The following NPAS3 variants were observed in gnomAD, a reference collection of about 807,000 sequenced individuals.
NPAS3 encodes the protein neuronal PAS domain protein 3, also known as neuronal PAS domain-containing protein 3.
Under a neutral mutation model 73.1 loss-of-function variants are expected in NPAS3, and 14 were observed. The observed-to-expected ratio is 0.19, with a 90% CI of 0.13 to 0.30. The LOEUF is 0.30. Ranked by LOEUF, NPAS3 falls within the 10% of genes least tolerant of loss-of-function variation. The pLI, the probability that NPAS3 is intolerant of heterozygous loss-of-function variation, is 1.00. For synonymous variants in NPAS3, 620 were observed against 541.5 expected (o/e 1.14, Z -2.01); for missense variants, 1,096 against 1,250.0 (o/e 0.88, Z 1.86).
chr14:33,524,780 C>G (rs1220305446), intron 4 of NPAS3, among the ~76,000 whole-genome samples: 1 of 152,134 alleles, frequency 6.6e-6, no homozygotes, highest in Non-Finnish European at 1.5e-5. Context: ...GTCCCAGCTT[C>G]CGGTGGTTTG....
At chr14:33,174,320 A>G (rs1349830171) in intron 2 of NPAS3, among the ~76,000 whole-genome samples, 1 of 152,224 alleles carries the variant, frequency 6.6e-6, no homozygotes, top group Non-Finnish European at 1.5e-5. Flanking sequence ...GAAAAGCTGC[A>G]GTATCTCACA....
chr14:33,468,000 T>C (rs1803221771), intron 4 of NPAS3, among the ~76,000 whole-genome samples: 1 of 152,172 alleles, frequency 6.6e-6, no homozygotes, highest in African/African-American at 2.4e-5. Context: ...AAACTAGAAC[T>C]GTGGGAACAG....
chr14:33,777,679 T>C lies in NPAS3; in HGVS notation c.1047-787T>C, dbSNP rs550860540. ...ACAGAGGGTAACAAGCATTTTGACA[T>C]GTTTGTGTAAACCAGGCGGATTCCC... On this transcript the variant is annotated intron_variant, in intron 8 of 11. Coordinates refer to ENST00000356141, the Ensembl canonical transcript of NPAS3. 9.2e-5 allele frequency among the ~76,000 whole-genome samples: 14 copies of C among 152,326 alleles called. No homozygotes were observed. The East Asian group carries it at 2.7e-3, about 29-fold the overall frequency.
intron 4 of NPAS3, among the ~76,000 whole-genome samples, chr14:33,508,899 A>T (rs2052902785): frequency 6.6e-6 from 1 of 151,982 alleles, no homozygotes; most frequent in South Asian, 2.1e-4. Flanking sequence ...ATCCCCTGAC[A>T]GGCCCATGGG....
intron 2 of NPAS3, among the ~76,000 whole-genome samples, chr14:33,076,633 GT>G (rs1194920689): frequency 3.3e-5 from 5 of 152,148 alleles, no homozygotes; most frequent in South Asian, 4.1e-4. Context: ...AGGGTATAGA[GT>G]GTAGCTGATA....
At chr14:33,785,376 A>G (rs1226543572) in intron 9 of NPAS3, among the ~76,000 whole-genome samples, 2 of 146,612 alleles carry the variant, frequency 1.4e-5, no homozygotes, top group South Asian at 2.2e-4. Context: ...TGGAGCTTGC[A>G]GTGAGCCAAG....
intron 2 of NPAS3, among the ~76,000 whole-genome samples, chr14:33,167,720 A>G (rs2139356043): frequency 6.6e-6 from 1 of 152,326 alleles, no homozygotes; most frequent in East Asian, 1.9e-4. Flanking sequence ...GCAAAACACA[A>G]TTCCTTCACC....
intron 4 of NPAS3, among the ~76,000 whole-genome samples, chr14:33,509,689 G>A (rs1217924260): frequency 6.6e-6 from 1 of 151,964 alleles, no homozygotes; most frequent in Non-Finnish European, 1.5e-5. Context: ...AGAGTAACAA[G>A]TCCAGTTACT....
intron 3 of NPAS3, among the ~76,000 whole-genome samples, chr14:33,293,631 T>C (rs1341876213): frequency 6.6e-6 from 1 of 152,126 alleles, no homozygotes; most frequent in Non-Finnish European, 1.5e-5. Flanking sequence ...AGGGAAGACT[T>C]CTCATGAACG....
intron 5 of NPAS3, among the ~76,000 whole-genome samples, chr14:33,593,690 T>C (rs2057145126): frequency 6.6e-6 from 1 of 152,244 alleles, no homozygotes; most frequent in Admixed American, 6.5e-5. Flanking sequence ...TTATATTCTA[T>C]TCTAACATCT....
intron 2 of NPAS3, among the ~76,000 whole-genome samples, chr14:33,172,683 C>G (rs1389199280): frequency 1.3e-5 from 2 of 151,882 alleles, no homozygotes; most frequent in Non-Finnish European, 1.5e-5. Flanking sequence ...TTACGCTGAA[C>G]TGAGATCATG....
chr14:33,039,449 C>A (rs567266430), intron 1 of NPAS3, among the ~76,000 whole-genome samples: 1 of 152,244 alleles, frequency 6.6e-6, no homozygotes, highest in Non-Finnish European at 1.5e-5. Flanking sequence ...TGCTCCCCAC[C>A]CCCTCTTGGA....
At chr14:33,493,117 T>C (rs2051985224) in intron 4 of NPAS3, among the ~76,000 whole-genome samples, 1 of 152,178 alleles carries the variant, frequency 6.6e-6, no homozygotes, top group South Asian at 2.1e-4. Flanking sequence ...CTGTTTCTCC[T>C]TTCATTTGAC....
At chr14:33,711,706 T>C (rs1275389745) in intron 6 of NPAS3, among the ~76,000 whole-genome samples, 2 of 152,144 alleles carry the variant, frequency 1.3e-5, no homozygotes, top group Non-Finnish European at 2.9e-5. Flanking sequence ...CTAGGGGGTG[T>C]GGACAGGCAA....
At position 33,800,223 on chromosome 14, in the gene NPAS3, C is replaced by T. The variant is rs1281049056; in HGVS notation, c.1916C>T (p.Ser639Phe). ...GTGGAGCCCCCGCGGCTGCTGTCCT[C>T]CCCCAACAGTGCCTCGGTGCTCAAG... The change falls in exon 12 of 12, where the codon TCC becomes TTC. Residue 639 changes from serine (S) to phenylalanine (F), a missense_variant. By Grantham distance (155) the Ser-to-Phe change is radical. This residue lies in a region of NPAS3 where 698 missense variants were observed against 676.7 expected (regional missense o/e 1.03). Transcript: ENST00000356141. This position sits in a 1 kb window ranked among gnomAD's most constrained non-coding sequence, Gnocchi z 6.5. 7 of 1,612,700 alleles carry T rather than the reference C, an allele frequency of 4.3e-6. No homozygotes were observed. The highest frequency in any genetic ancestry group is 5.9e-6 in the Non-Finnish European group (7 of 1,179,638).
At chr14:33,788,269 A>G (rs1416604789) in intron 9 of NPAS3, among the ~76,000 whole-genome samples, 1 of 152,318 alleles carries the variant, frequency 6.6e-6, no homozygotes, top group South Asian at 2.1e-4. Context: ...CTCCGCGGCC[A>G]CTGACGAAGG....
chr14:33,714,160 TA>T lies in NPAS3; in HGVS notation c.734-21048del, dbSNP rs2060896905. Reference sequence around the variant, plus strand: ...TAATAATAAAATTTTTTAAAAAGACTAAAAAACAAAAATTACAACTCTCTCC... The same window carrying T: ...TAATAATAAAATTTTTTAAAAAGACTAAAAACAAAAATTACAACTCTCTCC... On this transcript the variant is annotated intron_variant, in intron 6 of 11. Coordinates refer to ENST00000356141, the Ensembl canonical transcript of NPAS3. Among the ~76,000 whole-genome samples the T allele has an allele frequency of 1.3e-5, 2 of 152,078 alleles. 1 individual carries two copies. Among genetic ancestry groups the T allele is most frequent in the Non-Finnish European group, 2.9e-5 (2 of 67,962 alleles).
At chr14:33,527,354 G>C (rs2053848381) in intron 4 of NPAS3, among the ~76,000 whole-genome samples, 1 of 152,262 alleles carries the variant, frequency 6.6e-6, no homozygotes, top group Non-Finnish European at 1.5e-5. Context: ...ATTGTCATAG[G>C]AAGAAATTGT....
intron 7 of NPAS3, among the ~76,000 whole-genome samples, chr14:33,750,183 G>A (rs1002536857): frequency 6.6e-6 from 1 of 151,254 alleles, no homozygotes; most frequent in Non-Finnish European, 1.5e-5. Context: ...GGGATATGTT[G>A]GATGCTTGGG....
Sources: gnomAD v4.1 joint callset for allele counts (sites outside exome capture counted in the v4.1 genomes callset) on GRCh38, gnomAD v4.1.1 for gene constraint, gnomAD v4.1.1 regional missense constraint, Gnocchi (gnomAD v3.1) non-coding constraint, MANE v1.5 for transcripts, NCBI Gene and HGNC (gene_info 2026-07-23, HGNC 2026-07-21) for gene names.